MAGI2: variants seen among roughly 807,000 people sequenced by gnomAD.
MAGI2 encodes the protein membrane-associated guanylate kinase, WW and PDZ domain-containing protein 2.
In MAGI2, 35 loss-of-function variants were observed where a neutral mutation model predicts 133.3. The ratio of observed to expected loss-of-function variants is 0.26; its 90% confidence interval spans 0.20 to 0.35. The LOEUF is 0.35. Ranked by LOEUF, MAGI2 falls within the 10% of genes least tolerant of loss-of-function variation. The pLI is 1.00. For synonymous variants in MAGI2, 729 were observed against 710.6 expected, an observed-to-expected ratio of 1.03 and a Z score of -0.41; for missense variants, 1,636 against 1,863.4, an observed-to-expected ratio of 0.88 and a Z score of 2.25.
intron 20 of MAGI2, among the ~76,000 whole-genome samples, chr7:78,111,620 T>C (rs1026766873): frequency 3.3e-5 from 5 of 152,248 alleles, no homozygotes; most frequent in African/African-American, 1.2e-4. Context: ...AAGCAGCTCG[T>C]GTAACTCATT....
intron 2 of MAGI2, among the ~76,000 whole-genome samples, chr7:78,718,820 T>C (rs1045714740): frequency 1.3e-5 from 2 of 152,064 alleles, no homozygotes; most frequent in Non-Finnish European, 2.9e-5. Flanking sequence ...ATGAAACCAG[T>C]CCCTGGTGCC....
intron 3 of MAGI2, among the ~76,000 whole-genome samples, chr7:78,528,394 A>G (rs774628697): frequency 6.6e-6 from 1 of 152,184 alleles, no homozygotes; most frequent in Non-Finnish European, 1.5e-5. Context: ...TAAATCATCA[A>G]AGGACCCCAA....
chr7:78,474,023 C>G (rs1040824254), intron 6 of MAGI2, among the ~76,000 whole-genome samples: 1 of 152,044 alleles, frequency 6.6e-6, no homozygotes, highest in Non-Finnish European at 1.5e-5. Flanking sequence ...AGAGAACAGT[C>G]TCTGACATAT....
Position 78,019,945 on chromosome 7 carries a change from G to A in MAGI2, c.3738C>T (p.Ala1246=). ...DEPAPWSSPA[A]AAPGLPEVGV... is the part of the protein sequence containing the mutation. ...CTACTTCCGGCAGACCTGGGGCGGC[G>A]GCAGCGGGAGAACTCCAGGGGGCGG... The change falls in exon 22 of 22, where the codon GCC becomes GCT. Residue 1246 remains alanine (A), a synonymous_variant. Coordinates refer to ENST00000354212, the MANE Select transcript of MAGI2 (RefSeq NM_012301.4). 3 of 1,608,444 alleles carry A rather than the reference G, an allele frequency of 1.9e-6. No individual in the cohort carries two copies. Among genetic ancestry groups the A allele is most frequent in the South Asian group, 1.1e-5 (1 of 90,084 alleles).
At position 78,256,080 on chromosome 7, in the gene MAGI2, C is replaced by T; in HGVS notation, c.1910G>A (p.Cys637Tyr). The change falls in exon 10 of 22, where the codon TGC (cysteine) becomes TAC (tyrosine). Residue 637 changes from cysteine (C) to tyrosine (Y), a missense_variant. By Grantham distance (194) the Cys-to-Tyr change is radical (BLOSUM62 -2). Transcript: ENST00000354212. ...RVKQILDIQG[C>Y]PGLCEGDLIV... ...GAGGTCGCCTTCACACAGGCCAGGGCATCCCTGAATGTCAAGTATTTGTTT... is the reference window on the plus strand; with the variant it reads ...GAGGTCGCCTTCACACAGGCCAGGGTATCCCTGAATGTCAAGTATTTGTTT... The T allele has an allele frequency of 1.9e-6, 3 of 1,613,714 alleles. No homozygotes were observed. Among genetic ancestry groups the T allele is most frequent in the Non-Finnish European group, 2.5e-6 (3 of 1,179,872 alleles).
chr7:79,378,760 A>G (rs1183734697), intron 1 of MAGI2, among the ~76,000 whole-genome samples: 1 of 151,016 alleles, frequency 6.6e-6, no homozygotes, highest in East Asian at 2.0e-4. Flanking sequence ...TCTGCAAAAT[A>G]TTGAAGAATA....
At chr7:78,721,065 T>C (rs2151200006) in intron 2 of MAGI2, among the ~76,000 whole-genome samples, 1 of 152,124 alleles carries the variant, frequency 6.6e-6, no homozygotes, top group South Asian at 2.1e-4. Context: ...AGCTAACATC[T>C]AACATTAACT....
At chr7:78,053,224 A>G (rs985629884) in intron 21 of MAGI2, among the ~76,000 whole-genome samples, 1 of 152,258 alleles carries the variant, frequency 6.6e-6, no homozygotes, top group Non-Finnish European at 1.5e-5. Context: ...GAATGGCAGT[A>G]GGAACGTTTT....
chr7:78,961,095 A>G (rs554281431), intron 2 of MAGI2, among the ~76,000 whole-genome samples: 1 of 152,158 alleles, frequency 6.6e-6, no homozygotes, highest in Non-Finnish European at 1.5e-5. Context: ...TTTAATTACA[A>G]TTCAAAAGAG....
intron 3 of MAGI2, among the ~76,000 whole-genome samples, chr7:78,527,296 CT>C (rs1178160212): frequency 6.6e-6 from 1 of 152,086 alleles, no homozygotes; most frequent in Non-Finnish European, 1.5e-5. Context: ...TTCTAAATAA[CT>C]TTTCATGTAC....
intron 7 of MAGI2, chr7:78,347,455 A>G (rs183474657): frequency 1.2e-4 from 18 of 152,270 alleles, no homozygotes; most frequent in African/African-American, 4.1e-4. Context: ...TAGCTATGTG[A>G]CCTTGGTTGA....
chr7:78,839,520 C>T (rs973480455), intron 2 of MAGI2, among the ~76,000 whole-genome samples: 89 of 152,114 alleles, frequency 5.9e-4, no homozygotes, highest in African/African-American at 2.0e-3. Flanking sequence ...AGAAAGAGGT[C>T]TAATTGACTC....
At chr7:78,278,910 T>A (rs189997272) in intron 9 of MAGI2, among the ~76,000 whole-genome samples, 2 of 152,272 alleles carry the variant, frequency 1.3e-5, no homozygotes, top group East Asian at 3.9e-4. Context: ...AAGCTCAAAT[T>A]TTACTGAAAA....
intron 1 of MAGI2, among the ~76,000 whole-genome samples, chr7:79,137,898 T>C (rs1207389527): frequency 6.6e-6 from 1 of 152,130 alleles, no homozygotes; most frequent in Non-Finnish European, 1.5e-5. Flanking sequence ...TATTGTTAAA[T>C]TGAGACTCTT....
chr7:79,107,882 A>G (rs1209008886), intron 1 of MAGI2, among the ~76,000 whole-genome samples: 1 of 152,216 alleles, frequency 6.6e-6, no homozygotes, highest in Non-Finnish European at 1.5e-5. Flanking sequence ...ATAAAAATTC[A>G]TTGTAATTAT....
At chr7:78,142,074 T>C (rs955028831) in intron 16 of MAGI2, among the ~76,000 whole-genome samples, 1 of 152,138 alleles carries the variant, frequency 6.6e-6, no homozygotes, top group Non-Finnish European at 1.5e-5. Flanking sequence ...TGGGTTAAAA[T>C]GGATTTGTTG....
intron 1 of MAGI2, among the ~76,000 whole-genome samples, chr7:79,366,800 A>G (rs545073823): frequency 6.6e-6 from 1 of 152,306 alleles, no homozygotes; most frequent in Admixed American, 6.5e-5. Flanking sequence ...TCTGTCCTAT[A>G]ACTATTGAAA....
chr7:78,169,586 C>T (rs2526741), intron 14 of MAGI2, among the ~76,000 whole-genome samples: 53,189 of 150,028 alleles, frequency 0.35, 10,067 homozygotes, highest in African/African-American at 0.5. Context: ...AAGGGCATCA[C>T]AGACTTAGTC....
At chr7:78,417,654 A>C (rs1392362796) in intron 6 of MAGI2, among the ~76,000 whole-genome samples, 4 of 152,168 alleles carry the variant, frequency 2.6e-5, no homozygotes, top group Non-Finnish European at 4.4e-5. Flanking sequence ...GTGCTTAATA[A>C]GTGCTGAGTC....
Sources: gnomAD v4.1 joint callset for allele counts (sites outside exome capture counted in the v4.1 genomes callset) on GRCh38, gnomAD v4.1.1 for gene constraint, MANE v1.5 for transcripts, NCBI Gene and HGNC (gene_info 2026-07-23, HGNC 2026-07-21) for gene names.